Variants in ROBO2 observed in about 807,000 individuals in gnomAD.
ROBO2 encodes roundabout guidance receptor 2.
Under a neutral mutation model 160.8 loss-of-function variants are expected in ROBO2, and 53 were observed. That is an observed-to-expected ratio of 0.33 (90% CI 0.26 to 0.41). The LOEUF is 0.41. Ranked by LOEUF, ROBO2 falls within the 10% of genes least tolerant of loss-of-function variation. The pLI is 1.00. For synonymous variants in ROBO2, 664 were observed against 611.7 expected (o/e 1.09, Z -1.26); for missense variants, 1,577 against 1,722.4 (o/e 0.92, Z 1.49).
chr3:76,107,176 T>C (rs998693926), intron 2 of ROBO2, among the ~76,000 whole-genome samples: 2 of 152,116 alleles, frequency 1.3e-5, no homozygotes, highest in South Asian at 4.1e-4. Context: ...CAGGTATTTG[T>C]TCAAGTTGAG....
At chr3:77,172,773 G>A (rs1446832028) in intron 2 of ROBO2, among the ~76,000 whole-genome samples, 1 of 152,120 alleles carries the variant, frequency 6.6e-6, no homozygotes, top group Non-Finnish European at 1.5e-5. Context: ...CTTAAACCAA[G>A]GGCTAATTGA....
chr3:75,912,075 CA>C (rs772092511), intron 1 of ROBO2, among the ~76,000 whole-genome samples: 3 of 152,196 alleles, frequency 2.0e-5, no homozygotes, highest in East Asian at 1.9e-4. Context: ...CAGTCTTGCA[CA>C]AAACATTCCC....
chr3:76,040,071 T>C (rs2067233584), intron 2 of ROBO2, among the ~76,000 whole-genome samples: 1 of 152,018 alleles, frequency 6.6e-6, no homozygotes, highest in South Asian at 2.1e-4. Flanking sequence ...AGCTCATTTT[T>C]AACATTTGCT....
intron 2 of ROBO2, among the ~76,000 whole-genome samples, chr3:77,251,824 C>T (rs1475379847): frequency 1.3e-5 from 2 of 151,962 alleles, no homozygotes; most frequent in Non-Finnish European, 2.9e-5. Context: ...GTGCTTTCGC[C>T]GTCCACCCTG....
At chr3:77,500,248 A>G (rs569138132) in intron 5 of ROBO2, among the ~76,000 whole-genome samples, 27 of 152,310 alleles carry the variant, frequency 1.8e-4, no homozygotes, top group African/African-American at 6.3e-4. Flanking sequence ...TGTTAATTCC[A>G]TTATTTTTAA....
chr3:76,102,730 C>T (rs1401625276), intron 2 of ROBO2, among the ~76,000 whole-genome samples: 2 of 151,838 alleles, frequency 1.3e-5, no homozygotes, highest in Non-Finnish European at 2.9e-5. Context: ...ATGAACTGAG[C>T]GTCAATATTT....
At chr3:76,381,962 G>GT (rs766625107) in intron 2 of ROBO2, among the ~76,000 whole-genome samples, 1 of 151,944 alleles carries the variant, frequency 6.6e-6, no homozygotes, top group Admixed American at 6.6e-5. Flanking sequence ...TGTCGTTGTT[G>GT]TTTTTTGTTT....
intron 2 of ROBO2, among the ~76,000 whole-genome samples, chr3:76,468,032 GA>G (rs1280448996): frequency 2.0e-5 from 3 of 152,062 alleles, no homozygotes; most frequent in Non-Finnish European, 4.4e-5. Context: ...AATAATGATA[GA>G]AATTGTCATT....
chr3:77,057,027 G>T (rs974593272), intron 1 of ROBO2, among the ~76,000 whole-genome samples: 3 of 152,082 alleles, frequency 2.0e-5, no homozygotes, highest in Non-Finnish European at 4.4e-5. Context: ...GTTTATTGCG[G>T]CATTATTCAC....
At chr3:76,518,578 A>G (rs1319875662) in intron 2 of ROBO2, among the ~76,000 whole-genome samples, 1 of 152,178 alleles carries the variant, frequency 6.6e-6, no homozygotes, top group Non-Finnish European at 1.5e-5. Context: ...TGAGTTGGGC[A>G]ATGTAATATT....
chr3:77,471,671 G>A (rs1248202588), intron 2 of ROBO2, among the ~76,000 whole-genome samples: 1 of 152,156 alleles, frequency 6.6e-6, no homozygotes, highest in East Asian at 1.9e-4. Flanking sequence ...AGGAGAAAAA[G>A]GCTACATATT....
chr3:76,733,019 A>G (rs996563981), intron 2 of ROBO2, among the ~76,000 whole-genome samples: 1 of 151,660 alleles, frequency 6.6e-6, no homozygotes, highest in Non-Finnish European at 1.5e-5. Flanking sequence ...TTTCTCAGGT[A>G]ACTAGAGGCA....
chr3:76,992,220 G>A (rs1339122631), intron 2 of ROBO2, among the ~76,000 whole-genome samples: 1 of 151,332 alleles, frequency 6.6e-6, no homozygotes, highest in Non-Finnish European at 1.5e-5. Context: ...GAGAAAACAT[G>A]AGACTCATGG....
chr3:76,494,466 G>T (rs755684387), intron 2 of ROBO2, among the ~76,000 whole-genome samples: 1 of 152,208 alleles, frequency 6.6e-6, no homozygotes, highest in East Asian at 1.9e-4. Flanking sequence ...ACTAAACTAC[G>T]GGGGGAGGCT....
chr3:76,057,633 G>A (rs2067896445), intron 2 of ROBO2, among the ~76,000 whole-genome samples: 1 of 152,102 alleles, frequency 6.6e-6, no homozygotes, highest in Admixed American at 6.6e-5. Context: ...TTGTGGAGTA[G>A]AACAGATTTA....
At chr3:77,605,218 A>T (rs1446191761) in intron 20 of ROBO2, among the ~76,000 whole-genome samples, 2 of 150,442 alleles carry the variant, frequency 1.3e-5, no homozygotes, top group African/African-American at 4.9e-5. Flanking sequence ...ATTAATATAC[A>T]CACAAATTAA....
chr3:76,011,510 T>C (rs185616017), intron 2 of ROBO2, among the ~76,000 whole-genome samples: 44 of 152,342 alleles, frequency 2.9e-4, no homozygotes, highest in Admixed American at 2.9e-3. Flanking sequence ...TAAAATCACT[T>C]TCTTTATACG....
intron 2 of ROBO2, among the ~76,000 whole-genome samples, chr3:76,613,405 A>C (rs1416307072): frequency 6.6e-6 from 1 of 152,000 alleles, no homozygotes; most frequent in Non-Finnish European, 1.5e-5. Flanking sequence ...TGATTATCTC[A>C]GTTTAAATAA....
intron 2 of ROBO2, among the ~76,000 whole-genome samples, chr3:76,681,854 G>C (rs1446289863): frequency 6.6e-6 from 1 of 152,162 alleles, no homozygotes; most frequent in African/African-American, 2.4e-5. Context: ...AGATGTTAGA[G>C]AGATAGGCAA....
Sources: allele counts gnomAD v4.1 joint callset (sites outside exome capture counted in the v4.1 genomes callset), GRCh38; gene constraint gnomAD v4.1.1; transcripts MANE v1.5; gene names NCBI Gene and HGNC (gene_info 2026-07-23, HGNC 2026-07-21).